The following ZNF800 variants were observed in gnomAD, a reference collection of about 807,000 sequenced individuals.
ZNF800 encodes zinc finger protein 800.
Under a neutral mutation model 59.5 loss-of-function variants are expected in ZNF800, and 13 were observed. That is an observed-to-expected ratio of 0.22 (90% CI 0.14 to 0.35). ZNF800 has a LOEUF of 0.35. ZNF800 is among the 10% of genes least tolerant of loss of function. The pLI, the probability that ZNF800 is intolerant of heterozygous loss-of-function variation, is 1.00. For synonymous variants in ZNF800, 266 were observed against 265.7 expected, an observed-to-expected ratio of 1.00 and a Z score of -0.01; for missense variants, 621 against 783.7, an observed-to-expected ratio of 0.79 and a Z score of 2.48.
intron 2 of ZNF800, among the ~76,000 whole-genome samples, chr7:127,387,339 G>C (rs1383269560): frequency 6.6e-6 from 1 of 152,150 alleles, no homozygotes; most frequent in East Asian, 1.9e-4. Context: ...CTTAGTGTGA[G>C]GAGAAATGAA....
At chr7:127,376,987 A>G (rs1362215958) in intron 4 of ZNF800, among the ~76,000 whole-genome samples, 199 bp downstream of exon 4, 6 of 152,052 alleles carry the variant, frequency 3.9e-5, no homozygotes, top group Non-Finnish European at 8.8e-5. Flanking sequence ...AAGCATTGAT[A>G]TGAAAGTACC....
intron 1 of ZNF800, chr7:127,360,220 T>C (rs982061167): frequency 4.6e-5 from 7 of 152,110 alleles, no homozygotes; most frequent in East Asian, 1.9e-4. Context: ...CCACTAGAAA[T>C]TGCAATCTGA....
intron 1 of ZNF800, chr7:127,363,296 T>G (rs1562898929): frequency 6.6e-6 from 1 of 151,446 alleles, no homozygotes; most frequent in Non-Finnish European, 1.5e-5. Context: ...TTTATGGAAG[T>G]GATAAGTGAT....
At chr7:127,380,370 AG>A (rs1394455496) in intron 3 of ZNF800, among the ~76,000 whole-genome samples, 2 of 152,210 alleles carry the variant, frequency 1.3e-5, no homozygotes, top group Non-Finnish European at 2.9e-5. Context: ...TCTAAAAATT[AG>A]ATTTTTTAAA....
Position 127,370,569 on chromosome 7 carries a change from T to C in ZNF800, c.*1245A>G, listed in dbSNP as rs1800609021. 1 of 152,558 alleles carries C rather than the reference T, an allele frequency of 6.6e-6. No individual in the cohort carries two copies. Among genetic ancestry groups the C allele is most frequent in the Admixed American group, 6.5e-5 (1 of 15,270 alleles). The allele number at this position is 152,558 out of a possible 1,614,324, so 9.5% of individuals were successfully genotyped here. ...CTTGTGGATCTTTAACATTTTAAAA[T>C]TTTATACAAAAAGTATATAGATGGA... On this transcript the variant is annotated 3_prime_UTR_variant, in exon 6 of 6. Coordinates refer to ENST00000265827, the MANE Select transcript of ZNF800 (RefSeq NM_176814.5).
downstream of ZNF800, among the ~76,000 whole-genome samples, chr7:127,369,301 T>C (rs897641963): frequency 6.6e-6 from 1 of 152,164 alleles, no homozygotes; most frequent in Non-Finnish European, 1.5e-5. Context: ...ATAGGTCTTA[T>C]ATAAAATAAG....
chr7:127,380,290 C>T (rs1362290567), intron 3 of ZNF800, among the ~76,000 whole-genome samples: 1 of 152,050 alleles, frequency 6.6e-6, no homozygotes, highest in African/African-American at 2.4e-5. Flanking sequence ...TACCCCAGCT[C>T]TCAGGATAAT....
At chr7:127,384,724 T>C (rs1490115291) in intron 3 of ZNF800, among the ~76,000 whole-genome samples, 1 of 152,114 alleles carries the variant, frequency 6.6e-6, no homozygotes, top group Non-Finnish European at 1.5e-5. Flanking sequence ...TAAAAGAAGC[T>C]AAAACAAACA....
At chr7:127,389,830 A>G (rs1171891596) in intron 2 of ZNF800, among the ~76,000 whole-genome samples, 1 of 152,142 alleles carries the variant, frequency 6.6e-6, no homozygotes, top group Non-Finnish European at 1.5e-5. Flanking sequence ...AGAAAAAAAA[A>G]CAAGCAAAAA....
intron 1 of ZNF800, among the ~76,000 whole-genome samples, chr7:127,364,961 T>C (rs1226117172): frequency 1.3e-5 from 2 of 152,128 alleles, no homozygotes; most frequent in Non-Finnish European, 1.5e-5. Context: ...CTTCTTAAGA[T>C]TATGTAAATG....
rs1456230666 is a variant in ZNF800 at position 127,374,963 on chromosome 7, C to G, written c.373G>C (p.Asp125His). 1.2e-6 allele frequency: 2 copies of G among 1,612,794 alleles called. No individual in the cohort carries two copies. Among genetic ancestry groups the G allele is most frequent in the South Asian group, 2.2e-5 (2 of 90,944 alleles). The change falls in exon 5 of 6, where the codon GAC (aspartate) becomes CAC (histidine). Residue 125 changes from aspartate to histidine, a missense_variant. Physicochemically the swap from Asp to His is moderately conservative, Grantham distance 81. This residue lies in a region of ZNF800 where 218 missense variants were observed against 230.8 expected (regional missense o/e 0.94). Transcript: ENST00000265827. ...AGCTTAATAATATATTCTCGTTTGT[C>G]CACACTTGGATATATGGCTTCTAGG... Reference protein sequence around the residue: ...DLLEAIYPSVDKREYIIKLEP... With the variant: ...DLLEAIYPSVHKREYIIKLEP...
intron 3 of ZNF800, among the ~76,000 whole-genome samples, chr7:127,383,265 AAGG>A (rs1801024952): frequency 6.7e-6 from 1 of 150,036 alleles, no homozygotes; most frequent in African/African-American, 2.4e-5. Flanking sequence ...TGAGACACAA[AAGG>A]AGATGATACA....
chr7:127,378,672 T>C (rs999457907), intron 3 of ZNF800, among the ~76,000 whole-genome samples: 1 of 151,880 alleles, frequency 6.6e-6, no homozygotes, highest in African/African-American at 2.4e-5. Context: ...GTGTATTTTA[T>C]CATTTTGAAA....
intron 1 of ZNF800, chr7:127,351,581 G>C (rs531141641): frequency 1.1e-4 from 16 of 152,318 alleles, no homozygotes; most frequent in Middle Eastern, 6.8e-3. Context: ...TTTTGCTGGG[G>C]TGATCAACTG....
chr7:127,346,328 G>A (rs561149987), downstream of ZNF800, among the ~76,000 whole-genome samples: 5 of 152,284 alleles, frequency 3.3e-5, no homozygotes, highest in Admixed American at 2.6e-4. Flanking sequence ...ACCAACTTGA[G>A]GTTTGAGTTA....
chr7:127,378,701 C>T (rs190856910), intron 3 of ZNF800, among the ~76,000 whole-genome samples: 105 of 130,034 alleles, frequency 8.1e-4, no homozygotes, highest in Non-Finnish European at 7.3e-4. Context: ...AAAATCATTT[C>T]CCCCACCCCC....
intron 1 of ZNF800, chr7:127,351,489 C>T (rs1800167676): frequency 6.6e-6 from 1 of 152,216 alleles, no homozygotes; most frequent in Non-Finnish European, 1.5e-5. Context: ...GTAATTTTTC[C>T]TGTTTTCCTG....
At chr7:127,350,917 T>C (rs1057392321) in intron 1 of ZNF800, among the ~76,000 whole-genome samples, 5 of 152,212 alleles carry the variant, frequency 3.3e-5, no homozygotes, top group South Asian at 4.1e-4. Context: ...AACGAATATT[T>C]TGAAGATGTT....
chr7:127,356,271 A>G (rs148061005), intron 1 of ZNF800, among the ~76,000 whole-genome samples: 9 of 150,720 alleles, frequency 6.0e-5, no homozygotes, highest in South Asian at 4.2e-4. Context: ...GTGTGTGTGT[A>G]TGTGTGTGTG....
Sources: allele counts gnomAD v4.1 joint callset (sites outside exome capture counted in the v4.1 genomes callset), GRCh38; gene constraint gnomAD v4.1.1; regional missense constraint gnomAD v4.1.1; transcripts MANE v1.5; gene names NCBI Gene and HGNC (gene_info 2026-07-23, HGNC 2026-07-21).